Variants in AGBL1 observed in about 807,000 individuals in gnomAD.
AGBL1 encodes AGBL carboxypeptidase 1.
AGBL1 carries 130 observed loss-of-function variants against 118.9 expected under a neutral mutation model. The observed-to-expected ratio is 1.09, with a 90% CI of 0.95 to 1.26. The LOEUF is 1.26. AGBL1 is among the 50% of genes most tolerant of loss of function. The pLI, the probability that AGBL1 is intolerant of heterozygous loss-of-function variation, is 0.00. For missense variants in AGBL1, 1,584 were observed against 1,298.1 expected, an observed-to-expected ratio of 1.22 and a Z score of -3.38; for synonymous variants, 555 against 478.9, an observed-to-expected ratio of 1.16 and a Z score of -2.08.
At chr15:86,862,619 G>A (rs1272177984) in intron 22 of AGBL1, among the ~76,000 whole-genome samples, 1 of 152,140 alleles carries the variant, frequency 6.6e-6, no homozygotes, top group Non-Finnish European at 1.5e-5. Flanking sequence ...TACTCGGAGG[G>A]CTGACGCAGG....
chr15:86,134,738 C>A (rs1042292471), intron 1 of AGBL1, among the ~76,000 whole-genome samples: 4 of 151,034 alleles, frequency 2.6e-5, no homozygotes, highest in African/African-American at 9.7e-5. Context: ...CTCAGCCTCC[C>A]GAGTAGCTAG....
At chr15:86,802,465 C>G (rs1378229468) in intron 22 of AGBL1, among the ~76,000 whole-genome samples, 1 of 152,098 alleles carries the variant, frequency 6.6e-6, no homozygotes, top group Non-Finnish European at 1.5e-5. Flanking sequence ...ACCTGTTCCT[C>G]AAATCACAAA....
At chr15:86,655,371 C>T (rs569999228) in intron 21 of AGBL1, among the ~76,000 whole-genome samples, 1 of 152,182 alleles carries the variant, frequency 6.6e-6, no homozygotes, top group Non-Finnish European at 1.5e-5. Context: ...ACTACCAATA[C>T]ACGCAATGAT....
chr15:86,264,461 C>CA lies in AGBL1; in HGVS notation c.1298dup (p.Asn433LysfsTer14), dbSNP rs760873048. On this transcript the variant is annotated frameshift_variant, in exon 11 of 23. Coordinates refer to ENST00000614907, the MANE Select transcript of AGBL1 (RefSeq NM_001386094.1). LOFTEE classifies it high-confidence loss of function. Reference sequence around the variant, plus strand: ...GAAGGTCCACTGTGCATCTAGGCTCCAAAAAAAATCCTGGAGTGAACCTGT... The same window carrying CA: ...GAAGGTCCACTGTGCATCTAGGCTCCAAAAAAAAATCCTGGAGTGAACCTGT... 9.6e-5 allele frequency: 155 copies of CA among 1,613,306 alleles called. No individual in the cohort carries two copies. The highest frequency in any genetic ancestry group is 3.3e-4 in the East Asian group (15 of 44,880).
intron 2 of AGBL1, 140 bp from the exon 3 acceptor site, chr15:86,143,559 G>C (rs1248031289): frequency 5.9e-6 from 6 of 1,011,036 alleles, no homozygotes; most frequent in Non-Finnish European, 8.5e-6. Context: ...TTTAACACAG[G>C]TTGCTTCAAG....
chr15:86,694,622 C>G (rs867428919), intron 22 of AGBL1, among the ~76,000 whole-genome samples: 1 of 151,946 alleles, frequency 6.6e-6, no homozygotes, highest in Non-Finnish European at 1.5e-5. Context: ...ACTAGGACTC[C>G]CAGTTCTGTG....
At chr15:86,139,029 G>A (rs1485782540) in intron 1 of AGBL1, among the ~76,000 whole-genome samples, 1 of 152,194 alleles carries the variant, frequency 6.6e-6, no homozygotes, top group Non-Finnish European at 1.5e-5. Context: ...GACTACGGAG[G>A]GAGAGGCACC....
At chr15:86,461,122 T>C (rs1311403772) in intron 18 of AGBL1, among the ~76,000 whole-genome samples, 1 of 152,158 alleles carries the variant, frequency 6.6e-6, no homozygotes, top group Non-Finnish European at 1.5e-5. Flanking sequence ...CCTGGGTGAT[T>C]CTGATGTCAT....
chr15:86,269,772 T>C, intron 13 of AGBL1, 147 bp from the exon 14 acceptor site: 2 of 881,844 alleles, frequency 2.3e-6, no homozygotes, highest in Admixed American at 3.2e-5. Flanking sequence ...TATTGTGGTA[T>C]CAGGATGATA....
chr15:86,505,773 C>T (rs1427183119), intron 18 of AGBL1, among the ~76,000 whole-genome samples: 1 of 151,842 alleles, frequency 6.6e-6, no homozygotes, highest in Admixed American at 6.6e-5. Context: ...AATATCTGGG[C>T]TTCCACAAGG....
chr15:86,406,359 C>T (rs1023657510), intron 18 of AGBL1, among the ~76,000 whole-genome samples: 4 of 152,010 alleles, frequency 2.6e-5, no homozygotes, highest in Admixed American at 6.6e-5. Flanking sequence ...CTCAACATGC[C>T]GTAGTATGGT....
Position 86,944,207 on chromosome 15 carries a change from T to C in AGBL1, c.3222-43780T>C, listed in dbSNP as rs945939173. Among the ~76,000 whole-genome samples the C allele has an allele frequency of 2.6e-5, 4 of 151,846 alleles. No homozygotes were observed. In the East Asian group the frequency reaches 7.8e-4, roughly 30 times the overall value. ...CCAACATGGAGAAACTCTGTCTCTA[T>C]TAAAAATACAAAATTAGCCAGGCAT... On this transcript the variant is annotated intron_variant, in intron 23 of 24. Coordinates refer to the AGBL1 transcript ENST00000441037.
At chr15:86,603,231 C>T (rs2084523858) in intron 21 of AGBL1, among the ~76,000 whole-genome samples, 1 of 152,156 alleles carries the variant, frequency 6.6e-6, no homozygotes, top group Non-Finnish European at 1.5e-5. Context: ...ACCTTCTGGA[C>T]TGTATCTTTC....
chr15:86,782,602 T>C (rs2078350621), intron 22 of AGBL1, among the ~76,000 whole-genome samples: 2 of 152,204 alleles, frequency 1.3e-5, no homozygotes, highest in Non-Finnish European at 2.9e-5. Flanking sequence ...AAACTAATCT[T>C]GGATAATACT....
chr15:86,205,661 T>C (rs1415204120), intron 5 of AGBL1, among the ~76,000 whole-genome samples: 1 of 152,210 alleles, frequency 6.6e-6, no homozygotes, highest in African/African-American at 2.4e-5. Flanking sequence ...TAGGTATGTA[T>C]TGGTATTTCA....
intron 17 of AGBL1, among the ~76,000 whole-genome samples, chr15:86,366,413 C>A (rs2080888201): frequency 6.6e-6 from 1 of 152,088 alleles, no homozygotes; most frequent in Admixed American, 6.5e-5. Flanking sequence ...TGATGCTGAT[C>A]CTATTTTTAA....
intron 21 of AGBL1, among the ~76,000 whole-genome samples, chr15:86,562,522 A>G (rs991095149): frequency 3.9e-5 from 6 of 152,092 alleles, no homozygotes; most frequent in African/African-American, 1.4e-4. Flanking sequence ...AAGCTTTTTG[A>G]TGTGCTGCTG....
chr15:86,138,814 G>A (rs1477685409), intron 1 of AGBL1, among the ~76,000 whole-genome samples: 1 of 151,940 alleles, frequency 6.6e-6, no homozygotes, highest in Non-Finnish European at 1.5e-5. Context: ...AGGCTTTTAT[G>A]CCCCTCCTCT....
chr15:86,138,684 T>G (rs1224923067), intron 1 of AGBL1, among the ~76,000 whole-genome samples: 1 of 152,208 alleles, frequency 6.6e-6, no homozygotes, highest in African/African-American at 2.4e-5. Context: ...CCTTTTCTCC[T>G]TCCTCTTTTT....
Sources: gnomAD v4.1 joint callset for allele counts (sites outside exome capture counted in the v4.1 genomes callset) on GRCh38, gnomAD v4.1.1 for gene constraint, MANE v1.5 for transcripts, NCBI Gene and HGNC (gene_info 2026-07-23, HGNC 2026-07-21) for gene names.